The following SRGAP2 variants were observed in gnomAD, a reference collection of about 807,000 sequenced individuals.
The protein encoded by SRGAP2 is SLIT-ROBO Rho GTPase-activating protein 2.
A neutral mutation model predicts 57.2 loss-of-function variants in SRGAP2; 15 were observed. The ratio of observed to expected loss-of-function variants is 0.26; its 90% confidence interval spans 0.18 to 0.40. SRGAP2 has a LOEUF of 0.40. Among genes scored for constraint, SRGAP2 ranks in the 10% least tolerant of loss-of-function variants. The probability of loss-of-function intolerance (pLI) is 1.00; values close to 1 mark genes in which losing one functional copy is unlikely to be tolerated. For synonymous variants in SRGAP2, 249 were observed against 248.0 expected, an observed-to-expected ratio of 1.00 and a Z score of -0.04; for missense variants, 520 against 669.6, an observed-to-expected ratio of 0.78 and a Z score of 2.47.
chr1:206,321,163 G>A (rs1488383104), intron 3 of SRGAP2, among the ~76,000 whole-genome samples: 1 of 144,954 alleles, frequency 6.9e-6, no homozygotes, highest in Non-Finnish European at 1.5e-5. Flanking sequence ...ATTGACATTG[G>A]CCCCGTTATT....
intron 4 of SRGAP2, among the ~76,000 whole-genome samples, chr1:206,363,139 G>A (rs563240307): frequency 2.5e-4 from 38 of 151,998 alleles, no homozygotes; most frequent in African/African-American, 4.8e-4. Flanking sequence ...AAAGCGTTCC[G>A]GAACTACAGG....
At chr1:206,449,461 T>C (rs1663077386) in intron 18 of SRGAP2, among the ~76,000 whole-genome samples, 3 of 150,474 alleles carry the variant, frequency 2.0e-5, no homozygotes. Context: ...TTTTTTTTTT[T>C]TCTTTTTTTG....
intron 2 of SRGAP2, among the ~76,000 whole-genome samples, chr1:206,289,538 A>G (rs1671199052): frequency 6.6e-6 from 1 of 151,444 alleles, no homozygotes; most frequent in Admixed American, 6.6e-5. Flanking sequence ...TGGCCTCCCA[A>G]AGCGCTGGGA....
intron 11 of SRGAP2, among the ~76,000 whole-genome samples, chr1:206,418,345 C>T (rs1193646004): frequency 1.3e-5 from 2 of 152,156 alleles, no homozygotes; most frequent in African/African-American, 4.8e-5. Context: ...TGGCGTTGCT[C>T]AAGATGAGCT....
At chr1:206,334,704 T>G (rs1406652523) in intron 3 of SRGAP2, among the ~76,000 whole-genome samples, 1 of 152,198 alleles carries the variant, frequency 6.6e-6, no homozygotes, top group Non-Finnish European at 1.5e-5. Flanking sequence ...ATAATAAGTG[T>G]GTGGATTTCT....
chr1:206,425,878 C>T (rs1162708580), intron 13 of SRGAP2, among the ~76,000 whole-genome samples: 23 of 147,216 alleles, frequency 1.6e-4, no homozygotes, highest in African/African-American at 5.3e-4. Flanking sequence ...TGGAGTTTCA[C>T]TCTTGTCGCC....
chr1:206,345,741 G>A (rs1355890690), intron 4 of SRGAP2, among the ~76,000 whole-genome samples: 43 of 152,030 alleles, frequency 2.8e-4, no homozygotes, highest in African/African-American at 8.7e-4. Flanking sequence ...GCAGTGAGCC[G>A]TGATCATGCC....
At chr1:206,323,407 C>A (rs1338948727) in intron 3 of SRGAP2, among the ~76,000 whole-genome samples, 4 of 151,304 alleles carry the variant, frequency 2.6e-5, no homozygotes, top group African/African-American at 9.7e-5. Context: ...CAGACATGCA[C>A]TGAGAACAAA....
At chr1:206,341,805 A>G (rs1234896138) in intron 3 of SRGAP2, among the ~76,000 whole-genome samples, 1 of 152,116 alleles carries the variant, frequency 6.6e-6, no homozygotes, top group Admixed American at 6.5e-5. Flanking sequence ...CAAGATCAGC[A>G]TGGTCAACAT....
chr1:206,241,815 C>T lies in SRGAP2; in HGVS notation c.67+35778C>T, dbSNP rs1553309250. Among the ~76,000 whole-genome samples the T allele has an allele frequency of 5.9e-5, 9 of 151,592 alleles. No individual in the cohort carries two copies. The South Asian group carries it at 1.7e-3, about 28-fold the overall frequency. ...GTTTTTCTTGAGGCTAGTTTTGTACCTGCTGTTTCTTTTAGAAATGATTGC... is the reference window on the plus strand; with the variant it reads ...GTTTTTCTTGAGGCTAGTTTTGTACTTGCTGTTTCTTTTAGAAATGATTGC... On this transcript the variant is annotated intron_variant, in intron 2 of 22. Coordinates refer to ENST00000573034, the MANE Select transcript of SRGAP2 (RefSeq NM_015326.5).
At chr1:206,354,752 C>T (rs1553339011) in intron 4 of SRGAP2, among the ~76,000 whole-genome samples, 1 of 151,274 alleles carries the variant, frequency 6.6e-6, no homozygotes, top group African/African-American at 2.4e-5. Flanking sequence ...CTCTCTCTCT[C>T]TCCTTCTCTC....
chr1:206,268,741 CA>C (rs1231819790), intron 2 of SRGAP2, among the ~76,000 whole-genome samples: 2 of 131,720 alleles, frequency 1.5e-5, no homozygotes, highest in Non-Finnish European at 3.2e-5. Flanking sequence ...ACCACTAGAA[CA>C]AAAATGCGGA....
chr1:206,354,740 TTC>T (rs1297991060), intron 4 of SRGAP2, among the ~76,000 whole-genome samples: 1 of 149,864 alleles, frequency 6.7e-6, no homozygotes, highest in Non-Finnish European at 1.5e-5. Flanking sequence ...TTCTCTCTCT[TTC>T]TCTCTCTCTC....
Position 206,450,382 on chromosome 1 carries a change from G to A in SRGAP2, c.2100-4G>A. On this transcript the variant is annotated splice_region_variant and splice_polypyrimidine_tract_variant and intron_variant, in intron 18 of 22. Transcript: ENST00000573034. ...TGTCCCTGTCACTCTTGCTTCTGTT[G>A]CAGTGATAGCCCTCATGGAGAGACT... The A allele has an allele frequency of 1.3e-6, 1 of 780,790 alleles. No individual in the cohort carries two copies. 48.4% of individuals were successfully genotyped at this position (780,790 alleles called of 1,614,324 possible). A position where few individuals can be genotyped will look rare whatever the true frequency, so the allele number is the denominator to read the frequency against.
chr1:206,380,909 CAG>C (rs1283642967), intron 4 of SRGAP2, among the ~76,000 whole-genome samples: 1 of 140,192 alleles, frequency 7.1e-6, no homozygotes, highest in Non-Finnish European at 1.5e-5. Flanking sequence ...GTTTCTGAAA[CAG>C]AGAACGAATG....
intron 13 of SRGAP2, among the ~76,000 whole-genome samples, chr1:206,423,804 G>A (rs1195849428): frequency 6.6e-6 from 1 of 151,268 alleles, no homozygotes; most frequent in Non-Finnish European, 1.5e-5. Flanking sequence ...TTTGAGACAG[G>A]GTCTGGCTGT....
At chr1:206,357,613 AGTT>A (rs1326156943) in intron 4 of SRGAP2, among the ~76,000 whole-genome samples, 3 of 32,794 alleles carry the variant, frequency 9.1e-5, no homozygotes, top group African/African-American at 3.8e-4. Flanking sequence ...TTGGAGATGG[AGTT>A]TCTTTTTTTC....
intron 4 of SRGAP2, among the ~76,000 whole-genome samples, chr1:206,371,731 CAA>C (rs1189315186): frequency 5.8e-5 from 4 of 68,720 alleles, no homozygotes; most frequent in Non-Finnish European, 2.4e-5. Context: ...ACTCCGTCTC[CAA>C]AAAAAAAAAG....
chr1:206,455,436 A>C, intron 21 of SRGAP2: 2 of 215,912 alleles, frequency 9.3e-6, no homozygotes, highest in Non-Finnish European at 9.4e-6. Context: ...GTCTTCCTTG[A>C]CCCGTGTTCG....
Sources: allele counts gnomAD v4.1 joint callset (sites outside exome capture counted in the v4.1 genomes callset), GRCh38; gene constraint gnomAD v4.1.1; transcripts MANE v1.5; gene names NCBI Gene and HGNC (gene_info 2026-07-23, HGNC 2026-07-21).